The following WBP2NL variants were observed in gnomAD, a reference collection of about 807,000 sequenced individuals.
The protein encoded by WBP2NL is postacrosomal sheath WW domain-binding protein.
WBP2NL carries 27 observed loss-of-function variants against 23.3 expected under a neutral mutation model. The observed-to-expected ratio is 1.16, with a 90% CI of 0.85 to 1.60. WBP2NL has a LOEUF of 1.60. Ranked by LOEUF, WBP2NL falls within the 40% of genes most tolerant of loss-of-function variation. WBP2NL has a pLI of 0.00. For missense variants in WBP2NL, 370 were observed against 389.5 expected (o/e 0.95, Z 0.42); for synonymous variants, 151 against 145.9 (o/e 1.03, Z -0.25).
At chr22:42,026,668 C>G (rs191894878) in intron 5 of WBP2NL, 98 bp from the exon 6 acceptor site, 1 of 1,516,668 alleles carries the variant, frequency 6.6e-7, no homozygotes, top group Non-Finnish European at 8.9e-7. Flanking sequence ...TCTCTTCTTG[C>G]GTCAGTTTGC....
chr22:42,031,310 A>C (rs1924929732), downstream of WBP2NL: 1 of 152,218 alleles, frequency 6.6e-6, no homozygotes, highest in Non-Finnish European at 1.5e-5. Context: ...GCTGAGGACA[A>C]ATCCAGTCAG....
At chr22:42,028,558 A>G (rs1265306884), downstream of WBP2NL, 16 of 152,534 alleles carry the variant, frequency 1.0e-4, no homozygotes, top group Non-Finnish European at 2.3e-4. Context: ...ACTCCCATAT[A>G]CATAGTCAGC....
chr22:42,007,995 G>A (rs1418467503), intron 1 of WBP2NL, among the ~76,000 whole-genome samples: 1 of 152,040 alleles, frequency 6.6e-6, no homozygotes, highest in Non-Finnish European at 1.5e-5. Context: ...TTCCATAGCA[G>A]CTACTCATTT....
chr22:42,028,102 ATATTCAT>A lies in WBP2NL; in HGVS notation c.*923_*929del. On this transcript the variant is annotated 3_prime_UTR_variant, in exon 6 of 6. Transcript: ENST00000328823. ...AAGATGCATGTGGGAAGATTTCATTATATTCATTGTTTCTAACAGCACAAAATTAGAA... is the reference window on the plus strand; with the variant it reads ...AAGATGCATGTGGGAAGATTTCATTATGTTTCTAACAGCACAAAATTAGAA... 2.5e-6 allele frequency: 1 copy of A among 398,528 alleles called. No individual in the cohort carries two copies. Among genetic ancestry groups the A allele is most frequent in the African/African-American group, 2.1e-5 (1 of 48,760 alleles). 24.7% of individuals were successfully genotyped at this position (398,528 alleles called of 1,614,324 possible).
At chr22:42,057,369 C>T (rs1004949802) in intron 8 of WBP2NL, among the ~76,000 whole-genome samples, 1 of 152,102 alleles carries the variant, frequency 6.6e-6, no homozygotes, top group African/African-American at 2.4e-5. Flanking sequence ...AGAATTTGTG[C>T]TTTCTTCCCC....
At chr22:42,049,705 C>CAAAAAA (rs1158837575) in intron 8 of WBP2NL, among the ~76,000 whole-genome samples, 48 of 37,460 alleles carry the variant, frequency 1.3e-3, no homozygotes, top group Non-Finnish European at 1.9e-3. Context: ...CAAAACAAAA[C>CAAAAAA]AAAAAAAAAA....
chr22:42,038,089 T>C (rs757751268), intron 8 of WBP2NL, among the ~76,000 whole-genome samples: 91 of 152,320 alleles, frequency 6.0e-4, no homozygotes, highest in Non-Finnish European at 1.2e-3. Flanking sequence ...TCTTTCACCA[T>C]TGAGTGTGAT....
At chr22:42,004,592 C>T (rs187068203) in intron 1 of WBP2NL, among the ~76,000 whole-genome samples, 1 of 151,840 alleles carries the variant, frequency 6.6e-6, no homozygotes, top group South Asian at 2.1e-4. Context: ...CAGAGTGAGA[C>T]CCTGTCTCAA....
intron 5 of WBP2NL, among the ~76,000 whole-genome samples, chr22:42,023,458 G>T (rs1191140603): frequency 6.6e-6 from 1 of 152,058 alleles, no homozygotes; most frequent in Non-Finnish European, 1.5e-5. Flanking sequence ...CCCTCCCGAG[G>T]TGCTGGGATT....
intron 1 of WBP2NL, among the ~76,000 whole-genome samples, chr22:42,012,807 A>G (rs1396092613): frequency 6.6e-6 from 1 of 151,976 alleles, no homozygotes; most frequent in Non-Finnish European, 1.5e-5. Context: ...TCTGGCTAAC[A>G]TGGTGAAACC....
chr22:42,048,788 C>A (rs1212936052), intron 8 of WBP2NL, among the ~76,000 whole-genome samples: 6 of 147,082 alleles, frequency 4.1e-5, no homozygotes, highest in African/African-American at 1.5e-4. Context: ...AAAAAAGAAA[C>A]CCTCAGCAAA....
intron 8 of WBP2NL, among the ~76,000 whole-genome samples, chr22:42,057,884 TATATATATA>T (rs1926118517): frequency 4.6e-5 from 1 of 21,944 alleles, no homozygotes; most frequent in African/African-American, 1.8e-4. Context: ...TATATATATA[TATATATATA>T]TATATATATT....
chr22:42,028,221 A>T lies in WBP2NL; in HGVS notation c.*1040A>T, dbSNP rs1028482425. The T allele has an allele frequency of 2.5e-6, 1 of 396,974 alleles. No individual in the cohort carries two copies. The highest frequency in any genetic ancestry group is 4.4e-6 in the Non-Finnish European group (1 of 225,468). The allele number at this position is 396,974 out of a possible 1,614,324, so 24.6% of individuals were successfully genotyped here. On this transcript the variant is annotated 3_prime_UTR_variant, in exon 6 of 6. Coordinates refer to ENST00000328823, the MANE Select transcript of WBP2NL (RefSeq NM_152613.3). Reference sequence around the variant, plus strand: ...ATGCAGAAATTTCTAAGACTTGTTGATAAGGAGAAAAGCAAGTTGTAGGGA... The same window carrying T: ...ATGCAGAAATTTCTAAGACTTGTTGTTAAGGAGAAAAGCAAGTTGTAGGGA...
At chr22:42,055,724 G>C (rs1246674686) in intron 8 of WBP2NL, among the ~76,000 whole-genome samples, 2 of 151,972 alleles carry the variant, frequency 1.3e-5, no homozygotes, top group South Asian at 4.2e-4. Flanking sequence ...GGACTCGTTA[G>C]GTATGCTAAT....
At chr22:42,042,476 T>C (rs879587321) in intron 8 of WBP2NL, among the ~76,000 whole-genome samples, 1 of 152,228 alleles carries the variant, frequency 6.6e-6, no homozygotes, top group Admixed American at 6.5e-5. Context: ...GTTCAGTCAT[T>C]ATATTCTTCA....
downstream of WBP2NL, among the ~76,000 whole-genome samples, chr22:42,034,042 C>A (rs998469624): frequency 1.6e-4 from 24 of 152,342 alleles, 1 homozygote; most frequent in Admixed American, 1.3e-3. Context: ...GCTGTAGGTG[C>A]CAAGCCAAGC....
intron 8 of WBP2NL, among the ~76,000 whole-genome samples, chr22:42,047,659 T>C (rs1271892642): frequency 7.1e-6 from 1 of 141,720 alleles, no homozygotes; most frequent in African/African-American, 2.9e-5. Flanking sequence ...TCTCACTCTG[T>C]TGCCCAGGCT....
At chr22:42,049,722 A>C (rs1397236935) in intron 8 of WBP2NL, among the ~76,000 whole-genome samples, 4 of 149,492 alleles carry the variant, frequency 2.7e-5, no homozygotes, top group African/African-American at 7.5e-5. Context: ...AAAAAAAAAA[A>C]AAAAAAAAAT....
chr22:42,008,785 TA>T (rs1922537381), intron 1 of WBP2NL, among the ~76,000 whole-genome samples: 2 of 151,066 alleles, frequency 1.3e-5, no homozygotes, highest in Admixed American at 1.3e-4. Context: ...TTTTTTTTAT[TA>T]TTTTTTTTCT....
Sources: gnomAD v4.1 joint callset for allele counts (sites outside exome capture counted in the v4.1 genomes callset) on GRCh38, gnomAD v4.1.1 for gene constraint, MANE v1.5 for transcripts, NCBI Gene and HGNC (gene_info 2026-07-23, HGNC 2026-07-21) for gene names.